Variants in ITPR1 observed in about 807,000 individuals in gnomAD.
The protein encoded by ITPR1 is inositol 1,4,5-trisphosphate-gated calcium channel ITPR1.
Under a neutral mutation model 318.4 loss-of-function variants are expected in ITPR1, and 96 were observed. That is an observed-to-expected ratio of 0.30 (90% CI 0.26 to 0.36). The LOEUF (loss-of-function observed/expected upper bound fraction) is 0.36, where lower values mean the gene tolerates loss of function less well. Among genes scored for constraint, ITPR1 ranks in the 10% least tolerant of loss-of-function variants. ITPR1 has a pLI of 1.00. For missense variants in ITPR1, 2,440 were observed against 3,460.2 expected (o/e 0.71, Z 7.40); for synonymous variants, 1,312 against 1,289.9 (o/e 1.02, Z -0.37).
intron 5 of ITPR1, among the ~76,000 whole-genome samples, chr3:4,636,041 G>A (rs1158176176): frequency 1.3e-5 from 2 of 151,830 alleles, no homozygotes; most frequent in Admixed American, 6.6e-5. Context: ...TGTATTTTTA[G>A]TAGAGATGGG....
chr3:4,803,153 G>A (rs1168548445), intron 54 of ITPR1, among the ~76,000 whole-genome samples: 1 of 152,178 alleles, frequency 6.6e-6, no homozygotes, highest in African/African-American at 2.4e-5. Flanking sequence ...GGCGCTACAC[G>A]CTTTTAAACA....
intron 8 of ITPR1, 48 bp from the exon 9 acceptor site, chr3:4,645,339 A>G (rs1421617378): frequency 6.2e-6 from 8 of 1,282,284 alleles, no homozygotes; most frequent in African/African-American, 1.5e-5. Context: ...TGGATGACAC[A>G]GTTGTTGTGA....
chr3:4,730,161 T>C (rs2042800871), intron 42 of ITPR1, among the ~76,000 whole-genome samples: 1 of 148,512 alleles, frequency 6.7e-6, no homozygotes, highest in African/African-American at 2.5e-5. Context: ...TTCTATCCCC[T>C]CTTACCTATA....
chr3:4,715,861 A>G (rs1441184632), intron 39 of ITPR1, among the ~76,000 whole-genome samples: 2 of 152,140 alleles, frequency 1.3e-5, no homozygotes, highest in African/African-American at 2.4e-5. Context: ...TCAAAACAAC[A>G]ACGACAACAA....
intron 44 of ITPR1, among the ~76,000 whole-genome samples, chr3:4,745,703 A>G (rs868578261): frequency 2.0e-5 from 3 of 152,196 alleles, no homozygotes; most frequent in South Asian, 2.1e-4. Context: ...TCCCAAAGAT[A>G]CAGCTCTCGG....
intron 52 of ITPR1, among the ~76,000 whole-genome samples, chr3:4,790,728 A>T (rs1463391738): frequency 6.6e-6 from 1 of 152,212 alleles, no homozygotes; most frequent in African/African-American, 2.4e-5. Context: ...GTAAATCTGC[A>T]GCTAGGACTC....
intron 42 of ITPR1, among the ~76,000 whole-genome samples, chr3:4,730,415 GT>G (rs1285329373): frequency 2.2e-5 from 2 of 92,750 alleles, no homozygotes; most frequent in Non-Finnish European, 4.7e-5. Context: ...GTGTGTGTGT[GT>G]GTGTTTCCCC....
chr3:4,803,695 A>G (rs544417392), intron 54 of ITPR1, among the ~76,000 whole-genome samples: 5 of 152,324 alleles, frequency 3.3e-5, no homozygotes, highest in East Asian at 3.9e-4. Context: ...GCTGTCTTCT[A>G]TGGGCTGTCT....
At chr3:4,672,995 A>C in intron 20 of ITPR1, 141 bp from the exon 21 acceptor site, 1 of 833,098 alleles carries the variant, frequency 1.2e-6, no homozygotes, top group South Asian at 2.0e-5. Flanking sequence ...CCTGGTATAC[A>C]AGAGCAATTT....
chr3:4,815,333 A>G, intron 59 of ITPR1, 115 bp downstream of exon 59: 1 of 907,682 alleles, frequency 1.1e-6, no homozygotes, highest in South Asian at 1.7e-5. Flanking sequence ...GGGAGGGGGC[A>G]CCGGCTGCTG....
At chr3:4,532,714 C>T (rs866832141) in intron 4 of ITPR1, among the ~76,000 whole-genome samples, 55 of 152,316 alleles carry the variant, frequency 3.6e-4, no homozygotes, top group African/African-American at 1.2e-3. Flanking sequence ...CTGCAAGGCT[C>T]TCGGGAGCCA....
chr3:4,709,925 T>C (rs1256149413), intron 37 of ITPR1, among the ~76,000 whole-genome samples: 1 of 152,234 alleles, frequency 6.6e-6, no homozygotes, highest in Non-Finnish European at 1.5e-5. Flanking sequence ...ATATTTGATG[T>C]TTATCCTTTA....
At chr3:4,827,690 A>C (rs2050167514) in intron 60 of ITPR1, among the ~76,000 whole-genome samples, 1 of 152,180 alleles carries the variant, frequency 6.6e-6, no homozygotes, top group Admixed American at 6.5e-5. Flanking sequence ...CCAATAAGCA[A>C]CATTCAGAGT....
intron 60 of ITPR1, among the ~76,000 whole-genome samples, chr3:4,822,288 A>G (rs2049779230): frequency 6.6e-6 from 1 of 152,228 alleles, no homozygotes. Flanking sequence ...GGCTGACAGC[A>G]GAGCTGACAG....
At chr3:4,678,284 T>G (rs1209065876) in intron 24 of ITPR1, among the ~76,000 whole-genome samples, 1 of 152,218 alleles carries the variant, frequency 6.6e-6, no homozygotes, top group Non-Finnish European at 1.5e-5. Context: ...TATTTTTTAA[T>G]AAATTTTATT....
intron 44 of ITPR1, among the ~76,000 whole-genome samples, chr3:4,760,301 A>G (rs2045345677): frequency 6.6e-6 from 1 of 152,226 alleles, no homozygotes; most frequent in Non-Finnish European, 1.5e-5. Context: ...GGGTGAGGAG[A>G]GGTCGGCCTG....
At chr3:4,656,780 A>G (rs1057169541) in intron 12 of ITPR1, among the ~76,000 whole-genome samples, 1 of 152,186 alleles carries the variant, frequency 6.6e-6, no homozygotes, top group Non-Finnish European at 1.5e-5. Context: ...GCAGAGCTTC[A>G]GCCTAAGAAA....
intron 4 of ITPR1, among the ~76,000 whole-genome samples, chr3:4,536,714 G>A (rs2083905328): frequency 1.3e-5 from 2 of 152,152 alleles, no homozygotes; most frequent in African/African-American, 4.8e-5. Flanking sequence ...AATAGCTTAC[G>A]AAAAATGCAG....
intron 48 of ITPR1, 51 bp downstream of exon 48, chr3:4,777,425 G>A (rs1487891343): frequency 8.3e-7 from 1 of 1,203,106 alleles, no homozygotes; most frequent in Non-Finnish European, 1.2e-6. Context: ...AGTCACTTTT[G>A]TGTTTTGCCT....
Sources: gnomAD v4.1 joint callset for allele counts (sites outside exome capture counted in the v4.1 genomes callset) on GRCh38, gnomAD v4.1.1 for gene constraint, MANE v1.5 for transcripts, NCBI Gene and HGNC (gene_info 2026-07-23, HGNC 2026-07-21) for gene names.